Variants in CSTPP1 observed in about 807,000 individuals in gnomAD.
The protein encoded by CSTPP1 is centriolar satellite-associated tubulin polyglutamylase complex regulator 1.
the CSTPP1 span, among the ~76,000 whole-genome samples, chr11:47,109,751 C>G: frequency 6.6e-6 from 1 of 152,208 alleles, no homozygotes; most frequent in Non-Finnish European, 1.5e-5. Flanking sequence ...CCACCCTCCC[C>G]CATGGCAGTA....
chr11:47,124,822 C>T, the CSTPP1 span, among the ~76,000 whole-genome samples: 1 of 152,078 alleles, frequency 6.6e-6, no homozygotes, highest in Non-Finnish European at 1.5e-5. Flanking sequence ...TTTTTGTATG[C>T]CTGCCAGTCT....
chr11:47,004,087 G>C, the CSTPP1 span, among the ~76,000 whole-genome samples: 7 of 151,534 alleles, frequency 4.6e-5, no homozygotes, highest in African/African-American at 1.7e-4. Context: ...TCTTTAAATG[G>C]CATCAGAGTT....
At chr11:47,075,184 C>T in the CSTPP1 span, among the ~76,000 whole-genome samples, 1 of 152,046 alleles carries the variant, frequency 6.6e-6, no homozygotes, top group Admixed American at 6.6e-5. Flanking sequence ...CCAGCTTGGC[C>T]AACATGGTGA....
At chr11:47,086,876 CT>C in the CSTPP1 span, among the ~76,000 whole-genome samples, 1 of 152,254 alleles carries the variant, frequency 6.6e-6, no homozygotes, top group South Asian at 2.1e-4. Context: ...TGTAAACTTA[CT>C]CCCTTTTTGA....
the CSTPP1 span, among the ~76,000 whole-genome samples, chr11:47,121,860 C>T: frequency 6.0e-5 from 9 of 150,958 alleles, no homozygotes; most frequent in African/African-American, 2.2e-4. Flanking sequence ...TTGCATGAGC[C>T]CAGGAGTTTG....
chr11:47,027,737 T>C, the CSTPP1 span, among the ~76,000 whole-genome samples: 1 of 152,174 alleles, frequency 6.6e-6, no homozygotes, highest in African/African-American at 2.4e-5. Context: ...TTCTCACAGA[T>C]GGGTTCACCT....
At chr11:47,138,979 CAAAAAAAAAAA>C in the CSTPP1 span, among the ~76,000 whole-genome samples, 2 of 40,878 alleles carry the variant, frequency 4.9e-5, no homozygotes, top group Non-Finnish European at 8.1e-5. Context: ...GACTCCGTCT[CAAAAAAAAAAA>C]AAAAAAAAAA....
At chr11:47,009,946 A>G in the CSTPP1 span, among the ~76,000 whole-genome samples, 2 of 152,332 alleles carry the variant, frequency 1.3e-5, no homozygotes, top group East Asian at 3.9e-4. Context: ...TCATATGCCA[A>G]TCACTGTGTG....
At chr11:47,059,205 GT>G in the CSTPP1 span, among the ~76,000 whole-genome samples, 1 of 152,166 alleles carries the variant, frequency 6.6e-6, no homozygotes, top group Non-Finnish European at 1.5e-5. Flanking sequence ...GGGCTGGGGG[GT>G]GAAGGAAGGG....
the CSTPP1 span, among the ~76,000 whole-genome samples, chr11:47,019,927 C>T: frequency 6.6e-6 from 1 of 152,098 alleles, no homozygotes; most frequent in Non-Finnish European, 1.5e-5. Context: ...AAATGGTGCA[C>T]TACACATGCT....
At chr11:47,041,397 T>C in the CSTPP1 span, 1 of 253,196 alleles carries the variant, frequency 3.9e-6, no homozygotes, top group African/African-American at 2.2e-5. Context: ...ATGGACAGTG[T>C]CTACTTCAGC....
At chr11:47,016,404 C>CAAA in the CSTPP1 span, among the ~76,000 whole-genome samples, 5 of 30,230 alleles carry the variant, frequency 1.7e-4, no homozygotes, top group Admixed American at 3.5e-4. Context: ...AAACAAAAAA[C>CAAA]AAAAAACAAA....
At chr11:47,157,208 C>G in the CSTPP1 span, 19 of 1,586,640 alleles carry the variant, frequency 1.2e-5, no homozygotes, top group Non-Finnish European at 1.5e-5. Context: ...GTGTGATCGG[C>G]ACAAGTACAG....
the CSTPP1 span, among the ~76,000 whole-genome samples, chr11:47,032,579 T>G: frequency 3.3e-5 from 5 of 152,242 alleles, no homozygotes; most frequent in Non-Finnish European, 5.9e-5. Flanking sequence ...TTAAAAAATT[T>G]TTTTAACTTT....
the CSTPP1 span, among the ~76,000 whole-genome samples, chr11:46,965,595 C>T: frequency 1.3e-5 from 2 of 152,132 alleles, no homozygotes; most frequent in East Asian, 1.9e-4. Flanking sequence ...CATTGTTTTA[C>T]ACTTTTGCAT....
the CSTPP1 span, among the ~76,000 whole-genome samples, chr11:47,084,251 G>A: frequency 1.3e-5 from 2 of 152,112 alleles, no homozygotes; most frequent in Non-Finnish European, 2.9e-5. Flanking sequence ...TTTTTAGTGG[G>A]TTGTTTGTCT....
chr11:47,079,948 T>G, the CSTPP1 span, among the ~76,000 whole-genome samples: 14 of 151,088 alleles, frequency 9.3e-5, no homozygotes, highest in East Asian at 2.4e-3. Flanking sequence ...ACAAAAAAAT[T>G]TAGCCGGGCA....
chr11:47,134,198 T>C, the CSTPP1 span, among the ~76,000 whole-genome samples: 21 of 152,144 alleles, frequency 1.4e-4, no homozygotes, highest in African/African-American at 4.8e-4. Flanking sequence ...TTTTTTTTAT[T>C]TTTTATTTTT....
chr11:47,094,096 A>C, the CSTPP1 span, among the ~76,000 whole-genome samples: 1 of 152,214 alleles, frequency 6.6e-6, no homozygotes, highest in Non-Finnish European at 1.5e-5. Flanking sequence ...TTCACAATGT[A>C]AGAAGAAATG....
Sources: allele counts gnomAD v4.1 joint callset (sites outside exome capture counted in the v4.1 genomes callset), GRCh38; gene constraint gnomAD v4.1.1; transcripts MANE v1.5; gene names NCBI Gene and HGNC (gene_info 2026-07-23, HGNC 2026-07-21).